TTI1: variants seen among roughly 807,000 people sequenced by gnomAD.
TTI1 encodes TELO2 interacting protein 1.
Under a neutral mutation model 85.4 loss-of-function variants are expected in TTI1, and 52 were observed. That is an observed-to-expected ratio of 0.61 (90% CI 0.49 to 0.77). TTI1 has a LOEUF of 0.77. TTI1 is among the 30% of genes least tolerant of loss of function. TTI1 has a pLI of 0.00. For synonymous variants in TTI1, 512 were observed against 503.9 expected (o/e 1.02, Z -0.22); for missense variants, 1,173 against 1,296.0 (o/e 0.91, Z 1.46).
intron 7 of TTI1, among the ~76,000 whole-genome samples, chr20:37,987,629 A>C (rs958429127): frequency 6.6e-6 from 1 of 152,198 alleles, no homozygotes; most frequent in Admixed American, 6.5e-5. Context: ...GCGAGTGATT[A>C]TCTCTCAATA....
rs141031867 is a variant in TTI1 at position 37,999,494 on chromosome 20, A to G, written c.2653-166T>C. ...AGCTAGGTACTGAGGGGACACACAG[A>G]GACAAAATACACGTTTCCTTGCCTT... On this transcript the variant is annotated intron_variant, in intron 4 of 7. Coordinates refer to ENST00000373447, the MANE Select transcript of TTI1 (RefSeq NM_001303457.2). 8.0e-3 allele frequency among the ~76,000 whole-genome samples: 1,216 copies of G among 152,370 alleles called. 6 individuals are homozygous for G. The highest frequency in any genetic ancestry group is 0.023 in the African/African-American group (951 of 41,582).
chr20:38,033,164 G>T (rs1031198679), intron 1 of TTI1, among the ~76,000 whole-genome samples: 1 of 152,184 alleles, frequency 6.6e-6, no homozygotes, highest in Non-Finnish European at 1.5e-5. Flanking sequence ...GCGCCAGGGC[G>T]TGGAGGCGTG....
intron 7 of TTI1, among the ~76,000 whole-genome samples, chr20:37,991,776 T>C (rs987674231): frequency 6.6e-6 from 1 of 152,216 alleles, no homozygotes; most frequent in Non-Finnish European, 1.5e-5. Flanking sequence ...GATGTAAATA[T>C]ACCTTCAGAA....
Position 38,012,907 on chromosome 20 carries a change from A to G in TTI1, c.910T>C (p.Trp304Arg). 6.2e-7 allele frequency: 1 copy of G among 1,614,206 alleles called. No homozygotes were observed. The highest frequency in any genetic ancestry group is 8.5e-7 in the Non-Finnish European group (1 of 1,180,034). Reference sequence around the variant, plus strand: ...TCTACCAGTTCCAGTCTCACCTTCCAGTGTGGGTGAACAGAAACACACTCA... The same window carrying G: ...TCTACCAGTTCCAGTCTCACCTTCCGGTGTGGGTGAACAGAAACACACTCA... Reference protein sequence around the residue: ...IIECVSVHPHWKVRLELVELV... With the variant: ...IIECVSVHPHRKVRLELVELV... Residue 304 changes from tryptophan to arginine, a missense_variant, in exon 2 of 8, where the codon TGG becomes CGG. Coordinates refer to ENST00000373447, the MANE Select transcript of TTI1 (RefSeq NM_001303457.2).
chr20:38,011,851 C>T lies in TTI1; in HGVS notation c.1966G>A (p.Val656Ile). Residue 656 changes from valine (V) to isoleucine (I), a missense_variant, in exon 2 of 8, where the codon GTA (valine) becomes ATA (isoleucine). Coordinates refer to ENST00000373447, the MANE Select transcript of TTI1 (RefSeq NM_001303457.2). ...CLLLMSALYPVLEKAGDQTLL... is the reference protein window; with the variant it reads ...CLLLMSALYPILEKAGDQTLL... The stretch of plus-strand genomic sequence containing the variant: ...GTTTGGTCTCCAGCCTTCTCCAGTA[C>T]TGGATAAAGGGCTGACATCAAGAGC... 6.2e-7 allele frequency: 1 copy of T among 1,614,230 alleles called. No homozygotes were observed. Among genetic ancestry groups the T allele is most frequent in the East Asian group, 2.2e-5 (1 of 44,890 alleles).
chr20:38,014,438 T>G (rs148210272), intron 1 of TTI1, among the ~76,000 whole-genome samples: 200 of 152,288 alleles, frequency 1.3e-3, no homozygotes, highest in African/African-American at 4.6e-3. Context: ...CTCTTATGAC[T>G]TCTATCACTA....
At chr20:37,999,432 T>G in intron 4 of TTI1, 104 bp from the exon 5 acceptor site, 1 of 1,238,304 alleles carries the variant, frequency 8.1e-7, no homozygotes, top group Non-Finnish European at 1.0e-6. Flanking sequence ...ATTAATTGGA[T>G]AATTGTTTTC....
intron 1 of TTI1, among the ~76,000 whole-genome samples, chr20:38,021,080 G>A (rs1345670097): frequency 2.6e-5 from 4 of 152,180 alleles, no homozygotes; most frequent in African/African-American, 9.7e-5. Flanking sequence ...ACCCTAAAAT[G>A]AAAACTACCT....
At chr20:38,009,893 G>C (rs753268975) in intron 2 of TTI1, among the ~76,000 whole-genome samples, 33 of 152,196 alleles carry the variant, frequency 2.2e-4, no homozygotes, top group Admixed American at 1.3e-4. Context: ...TGCTTCCTCA[G>C]AGAGGCCCTC....
intron 7 of TTI1, among the ~76,000 whole-genome samples, chr20:37,989,670 C>A (rs1252886226): frequency 1.3e-5 from 2 of 152,228 alleles, no homozygotes; most frequent in Admixed American, 6.5e-5. Context: ...TCGGACCTTT[C>A]CCCCAGCTGG....
rs1470164592 is a variant in TTI1, at chr20:38,012,247, T to C, written c.1570A>G (p.Met524Val). The stretch of plus-strand genomic sequence containing the variant: ...CCTGTAACCAGTTCATTAAGGATCA[T>C]GGCAGCTTGCTTCCGGTAAACCACA... ...QSVVYRKQAA[M>V]ILNELVTGAA... The change falls in exon 2 of 8, where the codon ATG becomes GTG. Residue 524 changes from methionine to valine, a missense_variant. Coordinates refer to ENST00000373447, the MANE Select transcript of TTI1 (RefSeq NM_001303457.2). 1.4e-5 allele frequency: 22 copies of C among 1,614,118 alleles called. No homozygotes were observed. The highest frequency in any genetic ancestry group is 1.8e-5 in the Non-Finnish European group (21 of 1,180,054).
At position 38,012,346 on chromosome 20, in the gene TTI1, C is replaced by T; in HGVS notation, c.1471G>A (p.Val491Ile). The T allele has an allele frequency of 1.9e-6, 3 of 1,614,174 alleles. No individual in the cohort carries two copies. Among genetic ancestry groups the T allele is most frequent in the Non-Finnish European group, 1.7e-6 (2 of 1,180,038 alleles). The part of the protein sequence containing the change: ...DERIFMLLRQ[V>I]CQLLGYYGNL... ...CCATAATAACCAAGTAGCTGACAAA[C>T]CTGCCTCAAGAGCATGAAGATTCTC... Residue 491 changes from valine (V) to isoleucine (I), a missense_variant, in exon 2 of 8, where the codon GTT becomes ATT. Coordinates refer to ENST00000373447, the MANE Select transcript of TTI1 (RefSeq NM_001303457.2).
At chr20:38,017,308 A>C (rs537792830) in intron 1 of TTI1, among the ~76,000 whole-genome samples, 1 of 152,306 alleles carries the variant, frequency 6.6e-6, no homozygotes, top group Non-Finnish European at 1.5e-5. Flanking sequence ...TAAATTACAA[A>C]AATCATTTCT....
chr20:37,984,860 A>G (rs78037132), intron 7 of TTI1, among the ~76,000 whole-genome samples: 2 of 152,340 alleles, frequency 1.3e-5, no homozygotes, highest in East Asian at 3.9e-4. Flanking sequence ...CATCCAGTTA[A>G]TATTGACTGA....
At position 37,996,739 on chromosome 20, in the gene TTI1, T is replaced by C. The variant is rs753514575; in HGVS notation, c.2998+10A>G. Reference sequence around the variant, plus strand: ...GTGTGTGTGTTCAGGTGGAACTGCCTGGTACCCACCTAGGTCCAGTCTCTC... The same window carrying C: ...GTGTGTGTGTTCAGGTGGAACTGCCCGGTACCCACCTAGGTCCAGTCTCTC... On this transcript the variant is annotated intron_variant, in intron 6 of 7. Transcript: ENST00000373447. The C allele has an allele frequency of 3.8e-6, 6 of 1,599,744 alleles. No homozygotes were observed. The highest frequency in any genetic ancestry group is 2.2e-5 in the East Asian group (1 of 44,566).
intron 4 of TTI1, among the ~76,000 whole-genome samples, chr20:38,001,714 GTT>G (rs977847889): frequency 1.3e-5 from 2 of 151,840 alleles, no homozygotes; most frequent in African/African-American, 4.8e-5. Context: ...AGGCAGTTGT[GTT>G]TCTCTCTCTT....
At chr20:37,984,082 G>A (rs537278352) in intron 7 of TTI1, among the ~76,000 whole-genome samples, 4 of 152,330 alleles carry the variant, frequency 2.6e-5, no homozygotes, top group East Asian at 1.9e-4. Context: ...CGGGGGCCCT[G>A]AGCAAGCCTT....
At chr20:37,986,810 A>G (rs191223213) in intron 7 of TTI1, among the ~76,000 whole-genome samples, 2 of 152,358 alleles carry the variant, frequency 1.3e-5, no homozygotes, top group Admixed American at 1.3e-4. Context: ...TCTTAGCAGC[A>G]CTACCATGCC....
intron 3 of TTI1, among the ~76,000 whole-genome samples, chr20:38,004,987 A>T (rs1452873388): frequency 6.6e-6 from 1 of 152,162 alleles, no homozygotes; most frequent in East Asian, 1.9e-4. Flanking sequence ...CCTCGGGGAG[A>T]GCAATGACTC....
Sources: gnomAD v4.1 joint callset for allele counts (sites outside exome capture counted in the v4.1 genomes callset) on GRCh38, gnomAD v4.1.1 for gene constraint, MANE v1.5 for transcripts, NCBI Gene and HGNC (gene_info 2026-07-23, HGNC 2026-07-21) for gene names.